CEP112: variants seen among roughly 807,000 people sequenced by gnomAD.
CEP112 encodes the protein centrosomal protein of 112 kDa.
A neutral mutation model predicts 153.0 loss-of-function variants in CEP112; 127 were observed. The observed-to-expected ratio is 0.83, with a 90% CI of 0.72 to 0.96. The LOEUF is 0.96. Ranked by LOEUF, CEP112 falls within the 40% of genes least tolerant of loss-of-function variation. The pLI is 0.00. For synonymous variants in CEP112, 358 were observed against 374.4 expected (o/e 0.96, Z 0.51); for missense variants, 1,089 against 1,101.2 (o/e 0.99, Z 0.16).
intron 23 of CEP112, among the ~76,000 whole-genome samples, chr17:65,704,092 A>T (rs1217844358): frequency 6.6e-6 from 1 of 151,896 alleles, no homozygotes; most frequent in Admixed American, 6.6e-5. Context: ...TCCTCACAAC[A>T]AGAGACGCAC....
At chr17:65,716,715 T>C (rs981312810) in intron 23 of CEP112, among the ~76,000 whole-genome samples, 2 of 152,200 alleles carry the variant, frequency 1.3e-5, no homozygotes, top group African/African-American at 4.8e-5. Context: ...GAACACATCC[T>C]TCCTTGCAAT....
intron 17 of CEP112, among the ~76,000 whole-genome samples, chr17:65,966,389 T>C (rs2062416306): frequency 6.6e-6 from 1 of 152,226 alleles, no homozygotes; most frequent in South Asian, 2.1e-4. Context: ...TTGAAAATCT[T>C]CCTTTTGCAC....
At chr17:65,823,243 A>G (rs62065083) in intron 21 of CEP112, among the ~76,000 whole-genome samples, 1 of 152,136 alleles carries the variant, frequency 6.6e-6, no homozygotes, top group Non-Finnish European at 1.5e-5. Context: ...CTTGAAAAAG[A>G]TCAGTGTTGG....
At chr17:66,161,523 T>C (rs536929001) in intron 4 of CEP112, among the ~76,000 whole-genome samples, 1 of 152,296 alleles carries the variant, frequency 6.6e-6, no homozygotes, top group East Asian at 1.9e-4. Flanking sequence ...GATGAGTTCA[T>C]GTCCTTTGCA....
At chr17:65,979,098 T>G (rs2063135856) in intron 17 of CEP112, among the ~76,000 whole-genome samples, 2 of 152,186 alleles carry the variant, frequency 1.3e-5, no homozygotes, top group Non-Finnish European at 2.9e-5. Flanking sequence ...GCTCTGGATC[T>G]AAAATGGTTG....
chr17:65,768,244 A>G (rs900809528), intron 21 of CEP112, among the ~76,000 whole-genome samples: 5 of 152,166 alleles, frequency 3.3e-5, no homozygotes, highest in Non-Finnish European at 7.4e-5. Context: ...TAAAAATAAT[A>G]AAGAAGAGAA....
At chr17:65,702,521 G>A (rs1233318446) in intron 23 of CEP112, among the ~76,000 whole-genome samples, 1 of 152,196 alleles carries the variant, frequency 6.6e-6, no homozygotes, top group Non-Finnish European at 1.5e-5. Flanking sequence ...TATTGTGAGA[G>A]AGGAAAGAAA....
chr17:65,641,572 G>T lies in CEP112; in HGVS notation c.2698-507C>A, dbSNP rs188132036. On this transcript the variant is annotated intron_variant, in intron 24 of 26. Coordinates refer to ENST00000535342, the MANE Select transcript of CEP112 (RefSeq NM_001199165.4). ...GAGCCCAGGAGTTTGAGACCAGCCTGGGCATCTCTAAAAATATATAAAAAT... is the reference window on the plus strand; with the variant it reads ...GAGCCCAGGAGTTTGAGACCAGCCTTGGCATCTCTAAAAATATATAAAAAT... Among the ~76,000 whole-genome samples the T allele has an allele frequency of 2.0e-3, 307 of 152,194 alleles. 1 individual carries two copies. Among genetic ancestry groups the T allele is most frequent in the African/African-American group, 7.0e-3 (290 of 41,538 alleles).
At chr17:66,135,815 TAAAG>T (rs766415244) in intron 4 of CEP112, among the ~76,000 whole-genome samples, 3 of 151,768 alleles carry the variant, frequency 2.0e-5, no homozygotes, top group Non-Finnish European at 4.4e-5. Context: ...CCTGTACAGA[TAAAG>T]AAATAAGGAA....
intron 18 of CEP112, among the ~76,000 whole-genome samples, chr17:65,961,054 C>T (rs970753018): frequency 4.0e-5 from 6 of 151,508 alleles, no homozygotes; most frequent in African/African-American, 1.4e-4. Flanking sequence ...TGGAGACAGC[C>T]TTTGTTCTTC....
chr17:65,970,338 A>G (rs1264148881), intron 17 of CEP112, among the ~76,000 whole-genome samples: 1 of 121,084 alleles, frequency 8.3e-6, no homozygotes, highest in Non-Finnish European at 1.8e-5. Flanking sequence ...CATGCATATT[A>G]CATGCATGTG....
chr17:65,988,137 T>C (rs1226351479), intron 17 of CEP112, among the ~76,000 whole-genome samples: 1 of 152,128 alleles, frequency 6.6e-6, no homozygotes, highest in Non-Finnish European at 1.5e-5. Context: ...TTTAGGACTT[T>C]CCATATTCAG....
rs553887946 is a variant in CEP112 at position 66,184,727 on chromosome 17, C to G, written c.-8-1420G>C. The stretch of plus-strand genomic sequence containing the variant: ...ATAAACATACACTCAGCCTATGACC[C>G]AGAAATCCCACTCCCAAGTATTTAG... On this transcript the variant is annotated intron_variant, in intron 1 of 26. Coordinates refer to ENST00000535342, the MANE Select transcript of CEP112 (RefSeq NM_001199165.4). 1.5e-3 allele frequency among the ~76,000 whole-genome samples: 224 copies of G among 152,218 alleles called. 1 individual carries two copies. Among genetic ancestry groups the G allele is most frequent in the Middle Eastern group, 3.4e-3 (1 of 294 alleles).
At chr17:66,072,706 T>G (rs535965660) in intron 8 of CEP112, among the ~76,000 whole-genome samples, 40 of 152,276 alleles carry the variant, frequency 2.6e-4, no homozygotes, top group Middle Eastern at 6.8e-3. Context: ...CTAAGGGTAA[T>G]ATTACAAAGA....
intron 4 of CEP112, among the ~76,000 whole-genome samples, chr17:66,162,672 C>T (rs1052479139): frequency 2.0e-5 from 3 of 152,054 alleles, no homozygotes; most frequent in Admixed American, 6.5e-5. Context: ...AAAGGGAACA[C>T]GCTTTATGAA....
At chr17:65,764,005 A>C (rs1440245651) in intron 21 of CEP112, among the ~76,000 whole-genome samples, 1 of 152,088 alleles carries the variant, frequency 6.6e-6, no homozygotes. Flanking sequence ...TCAGTCTTTT[A>C]GTAAGCCTGT....
intron 21 of CEP112, among the ~76,000 whole-genome samples, chr17:65,807,362 T>C (rs1243480427): frequency 6.6e-6 from 1 of 152,194 alleles, no homozygotes; most frequent in Non-Finnish European, 1.5e-5. Flanking sequence ...CATACAAGTT[T>C]GGAAAATTTG....
chr17:65,979,836 T>C (rs375350234), intron 17 of CEP112, among the ~76,000 whole-genome samples: 12 of 152,158 alleles, frequency 7.9e-5, no homozygotes, highest in African/African-American at 2.9e-4. Flanking sequence ...GAGTACCCAA[T>C]ATGGGTAAGA....
intron 20 of CEP112, among the ~76,000 whole-genome samples, chr17:65,866,120 C>G (rs1367191571): frequency 6.6e-6 from 1 of 152,144 alleles, no homozygotes; most frequent in Non-Finnish European, 1.5e-5. Context: ...CATCTCAGCA[C>G]TCTCGGGGGC....
Sources: allele counts gnomAD v4.1 joint callset (sites outside exome capture counted in the v4.1 genomes callset), GRCh38; gene constraint gnomAD v4.1.1; transcripts MANE v1.5; gene names NCBI Gene and HGNC (gene_info 2026-07-23, HGNC 2026-07-21).